Variants in DOCK3 observed in about 807,000 individuals in gnomAD.
DOCK3 encodes dedicator of cytokinesis 3.
A neutral mutation model predicts 265.6 loss-of-function variants in DOCK3; 60 were observed. The observed-to-expected ratio is 0.23, with a 90% CI of 0.18 to 0.28. The LOEUF is 0.28. Ranked by LOEUF, DOCK3 falls within the 10% of genes least tolerant of loss-of-function variation. The probability of loss-of-function intolerance (pLI) is 1.00; values close to 1 mark genes in which losing one functional copy is unlikely to be tolerated. For missense variants in DOCK3, 1,981 were observed against 2,594.3 expected, an observed-to-expected ratio of 0.76 and a Z score of 5.14; for synonymous variants, 881 against 938.0, an observed-to-expected ratio of 0.94 and a Z score of 1.11.
chr3:51,057,924 G>A (rs912501206), intron 5 of DOCK3, among the ~76,000 whole-genome samples: 2 of 152,146 alleles, frequency 1.3e-5, no homozygotes, highest in African/African-American at 2.4e-5. Flanking sequence ...AAAAAATTGT[G>A]TAATTGTTTC....
chr3:50,735,341 CTGTT>C (rs1312184176), intron 1 of DOCK3, among the ~76,000 whole-genome samples: 13 of 151,968 alleles, frequency 8.6e-5, no homozygotes, highest in African/African-American at 2.9e-4. Context: ...ATTTATTTCT[CTGTT>C]TATTTGTTTA....
At chr3:50,921,360 T>C (rs1186796594) in intron 4 of DOCK3, among the ~76,000 whole-genome samples, 3 of 152,234 alleles carry the variant, frequency 2.0e-5, no homozygotes. Context: ...AGCTTGTGCA[T>C]GTGTCACGTA....
At position 50,930,591 on chromosome 3, in the gene DOCK3, C is replaced by T. The variant is rs1431702759; in HGVS notation, c.219-3390C>T. 3.9e-5 allele frequency among the ~76,000 whole-genome samples: 6 copies of T among 152,222 alleles called. No homozygotes were observed. In the South Asian group the frequency reaches 8.3e-4, roughly 21 times the overall value. ...AGGCCAGTGTCCAGGGCAGAGGCAA[C>T]GTCTCCCCAGGCTCCCTTGGTGGCT... On this transcript the variant is annotated intron_variant, in intron 4 of 52. Coordinates refer to ENST00000266037, the MANE Select transcript of DOCK3 (RefSeq NM_004947.5).
intron 23 of DOCK3, among the ~76,000 whole-genome samples, chr3:51,268,095 C>G (rs942870665): frequency 1.3e-5 from 2 of 152,138 alleles, no homozygotes; most frequent in Admixed American, 6.5e-5. Flanking sequence ...ACTTATGTAA[C>G]AAACCTGCAC....
chr3:50,875,870 AC>A (rs1474749161), intron 3 of DOCK3, among the ~76,000 whole-genome samples: 7 of 151,204 alleles, frequency 4.6e-5, no homozygotes, highest in East Asian at 3.9e-4. Context: ...AAAAAAAAAA[AC>A]AACTGTTGTG....
In DOCK3 at chr3:51,236,432, A is replaced by C; in HGVS notation, c.2001+4A>C. The C allele has an allele frequency of 6.2e-7, 1 of 1,606,664 alleles. No homozygotes were observed. Among genetic ancestry groups the C allele is most frequent in the Non-Finnish European group, 8.5e-7 (1 of 1,177,346 alleles). Reference sequence around the variant, plus strand: ...CCTGTTGGTTTTTCAGTCTCTGGTAAGTCACCTTCCTGACTCTTTACTTTT... The same window carrying C: ...CCTGTTGGTTTTTCAGTCTCTGGTACGTCACCTTCCTGACTCTTTACTTTT... On this transcript the variant is annotated splice_donor_region_variant and intron_variant, in intron 20 of 52. Transcript: ENST00000266037.
chr3:51,061,177 T>A (rs1421711533), intron 5 of DOCK3, among the ~76,000 whole-genome samples: 6 of 152,084 alleles, frequency 3.9e-5, no homozygotes, highest in African/African-American at 1.2e-4. Flanking sequence ...ATCTAGAACT[T>A]GAAATACCAT....
chr3:50,913,437 C>T (rs2049964296), intron 4 of DOCK3, among the ~76,000 whole-genome samples: 1 of 152,016 alleles, frequency 6.6e-6, no homozygotes, highest in South Asian at 2.1e-4. Context: ...GTGATGTCAG[C>T]ACTCCCTTAG....
intron 1 of DOCK3, among the ~76,000 whole-genome samples, chr3:50,765,427 A>G (rs1306485384): frequency 6.6e-6 from 1 of 152,130 alleles, no homozygotes. Flanking sequence ...AGTAGGGAAC[A>G]GAGCCAAACA....
intron 40 of DOCK3, among the ~76,000 whole-genome samples, chr3:51,351,392 A>G (rs1270137504): frequency 6.6e-6 from 1 of 152,188 alleles, no homozygotes; most frequent in Non-Finnish European, 1.5e-5. Context: ...TCAAAGGTCA[A>G]CCGGGCTTAA....
In DOCK3 at chr3:51,382,788, G is replaced by C. The variant is rs2088738553; in HGVS notation, c.*1229G>C. ...GAGGGTAGTTTCTCCAGTCTCCCCA[G>C]TCTGTTGGTGTCTTTATAGGAAACT... On this transcript the variant is annotated 3_prime_UTR_variant, in exon 53 of 53. Coordinates refer to ENST00000266037, the MANE Select transcript of DOCK3 (RefSeq NM_004947.5). 6.6e-6 allele frequency: 1 copy of C among 152,410 alleles called. No homozygotes were observed. The highest frequency in any genetic ancestry group is 1.5e-5 in the Non-Finnish European group (1 of 68,048). The allele number at this position is 152,410 out of a possible 1,614,324, so 9.4% of individuals were successfully genotyped here. A position where few individuals can be genotyped will look rare whatever the true frequency, so the allele number is the denominator to read the frequency against.
intron 12 of DOCK3, among the ~76,000 whole-genome samples, chr3:51,163,466 A>C (rs1041888254): frequency 6.6e-6 from 1 of 152,158 alleles, no homozygotes; most frequent in Admixed American, 6.5e-5. Flanking sequence ...CTAATGAGTC[A>C]AAAGCCTTAA....
At chr3:51,046,234 A>C (rs1214783980) in intron 5 of DOCK3, among the ~76,000 whole-genome samples, 1 of 152,216 alleles carries the variant, frequency 6.6e-6, no homozygotes, top group Non-Finnish European at 1.5e-5. Flanking sequence ...GTAAGTCCTT[A>C]ACTGCCAAGA....
intron 27 of DOCK3, among the ~76,000 whole-genome samples, chr3:51,284,593 G>A (rs556714838): frequency 1.3e-5 from 2 of 152,266 alleles, no homozygotes; most frequent in Non-Finnish European, 2.9e-5. Flanking sequence ...TCTTTAGAAG[G>A]GTCTCATGGC....
chr3:50,821,140 C>CTTTTTTTTTTTTTTTT (rs771111717), intron 2 of DOCK3, among the ~76,000 whole-genome samples: 21 of 119,450 alleles, frequency 1.8e-4, no homozygotes, highest in African/African-American at 2.9e-4. Flanking sequence ...TTTCTTTTTT[C>CTTTTTTTTTTTTTTTT]TTTTTTTTTT....
intron 22 of DOCK3, among the ~76,000 whole-genome samples, chr3:51,251,279 T>C (rs1489485347): frequency 1.3e-5 from 2 of 152,196 alleles, no homozygotes; most frequent in African/African-American, 4.8e-5. Flanking sequence ...TGATGGACAT[T>C]TGGGTTGGTT....
rs776191214 is a variant in DOCK3 at position 51,374,596 on chromosome 3, C to A, written c.5412+9C>A. On this transcript the variant is annotated intron_variant, in intron 50 of 52. Coordinates refer to ENST00000266037, the MANE Select transcript of DOCK3 (RefSeq NM_004947.5). The surrounding 1 kb of genome is among the most constrained non-coding windows in gnomAD (Gnocchi z 4.8). The stretch of plus-strand genomic sequence containing the variant: ...TCCTGGAGAACGGACAGGTAATAGA[C>A]CCACCACACTGACTGTCCTCTGCTG... The A allele has an allele frequency of 6.2e-7, 1 of 1,604,218 alleles. No individual in the cohort carries two copies. Among genetic ancestry groups the A allele is most frequent in the Admixed American group, 1.7e-5 (1 of 59,140 alleles).
intron 5 of DOCK3, among the ~76,000 whole-genome samples, chr3:51,012,164 C>T (rs1217152831): frequency 6.6e-6 from 1 of 152,142 alleles, no homozygotes; most frequent in African/African-American, 2.4e-5. Context: ...CAGACAGGGA[C>T]ATTTAAGTCT....
chr3:51,029,251 C>G (rs2079940728), intron 5 of DOCK3, among the ~76,000 whole-genome samples: 1 of 152,026 alleles, frequency 6.6e-6, no homozygotes, highest in Non-Finnish European at 1.5e-5. Context: ...ATGTATTTTT[C>G]TTTGGTTGTG....
Sources: allele counts gnomAD v4.1 joint callset (sites outside exome capture counted in the v4.1 genomes callset), GRCh38; gene constraint gnomAD v4.1.1; non-coding constraint Gnocchi (gnomAD v3.1); transcripts MANE v1.5; gene names NCBI Gene and HGNC (gene_info 2026-07-23, HGNC 2026-07-21).